The following ATP6V1A variants were observed in gnomAD, a reference collection of about 807,000 sequenced individuals.
ATP6V1A encodes V-type proton ATPase catalytic subunit A.
In ATP6V1A, 18 loss-of-function variants were observed where a neutral mutation model predicts 70.1. That is an observed-to-expected ratio of 0.26 (90% CI 0.18 to 0.38). ATP6V1A has a LOEUF of 0.38. Among genes scored for constraint, ATP6V1A ranks in the 10% least tolerant of loss-of-function variants. The pLI, the probability that ATP6V1A is intolerant of heterozygous loss-of-function variation, is 1.00. For missense variants in ATP6V1A, 424 were observed against 772.4 expected (o/e 0.55, Z 5.35); for synonymous variants, 232 against 253.8 (o/e 0.91, Z 0.82).
At chr3:113,788,672 T>A (rs1202167304) in intron 6 of ATP6V1A, 41 bp from the exon 7 acceptor site, 2 of 1,591,976 alleles carry the variant, frequency 1.3e-6, no homozygotes, top group Non-Finnish European at 1.7e-6. Flanking sequence ...TTAATATCTA[T>A]TAGCAAGTCA....
At chr3:113,782,544 A>ATATATATATACATGTGTATATATATACG (rs1708987924) in intron 3 of ATP6V1A, among the ~76,000 whole-genome samples, 1 of 124,694 alleles carries the variant, frequency 8.0e-6, no homozygotes, top group Non-Finnish European at 1.8e-5. Context: ...CTCTCTCTCT[A>ATATATATATACATGTGTATATATATACG]TATATATATA....
chr3:113,758,571 C>A (rs1708669620), intron 1 of ATP6V1A, among the ~76,000 whole-genome samples: 1 of 152,172 alleles, frequency 6.6e-6, no homozygotes, highest in South Asian at 2.1e-4. Flanking sequence ...GTTTGTTTAT[C>A]CATTCACCCA....
Position 113,805,419 on chromosome 3 carries a change from G to A in ATP6V1A, c.1655G>A (p.Arg552His), listed in dbSNP as rs768704096. 1.4e-4 allele frequency: 227 copies of A among 1,573,270 alleles called. No individual in the cohort carries two copies. The highest frequency in any genetic ancestry group is 1.8e-4 in the Non-Finnish European group (215 of 1,164,084). ...SNMIAFYDMA[R>H]RAVETTAQSD... ...ATGATTGCATTTTATGATATGGCTC[G>A]TAGAGCTGTTGAAACCACTGCCCAG... Residue 552 changes from arginine (R) to histidine (H), a missense_variant, in exon 14 of 15, where the codon CGT becomes CAT. Arg to His is a conservative substitution (Grantham distance 29). This residue lies in a region of ATP6V1A where 127 missense variants were observed against 207.9 expected (regional missense o/e 0.61). Transcript: ENST00000273398.
At chr3:113,775,496 CT>C (rs1409249804) in intron 1 of ATP6V1A, among the ~76,000 whole-genome samples, 5 of 152,142 alleles carry the variant, frequency 3.3e-5, no homozygotes, top group Admixed American at 6.5e-5. Context: ...CCCCCAAGTG[CT>C]GGAATTATGG....
rs532275476 is a variant in ATP6V1A at position 113,760,966 on chromosome 3, C to T, written c.-14+13853C>T. Among the ~76,000 whole-genome samples, 541 of 151,478 alleles carry T rather than the reference C, an allele frequency of 3.6e-3. 2 individuals carry two copies. The highest frequency in any genetic ancestry group is 0.013 in the African/African-American group (518 of 41,238). On this transcript the variant is annotated intron_variant, in intron 1 of 14. Coordinates refer to ENST00000273398, the MANE Select transcript of ATP6V1A (RefSeq NM_001690.4). The stretch of plus-strand genomic sequence containing the variant: ...CCTGCGGTCTCAGCTATTCGGGAGG[C>T]GGAGGCAGTAGAATTGCTTGAATCC...
At chr3:113,785,371 C>T (rs996344120) in intron 5 of ATP6V1A, among the ~76,000 whole-genome samples, 1 of 151,936 alleles carries the variant, frequency 6.6e-6, no homozygotes, top group Non-Finnish European at 1.5e-5. Context: ...ACCTAGGAGG[C>T]GGAGGTTGCA....
chr3:113,761,394 A>T (rs1708703480), intron 1 of ATP6V1A, among the ~76,000 whole-genome samples: 1 of 150,640 alleles, frequency 6.6e-6, no homozygotes. Context: ...TGGCAAAGCC[A>T]TCAAAATTTG....
At chr3:113,790,366 A>T (rs1308647861) in intron 8 of ATP6V1A, among the ~76,000 whole-genome samples, 2 of 151,798 alleles carry the variant, frequency 1.3e-5, no homozygotes, top group African/African-American at 4.8e-5. Context: ...AATGTAAGAC[A>T]TTTATAGAGC....
chr3:113,809,255 CAA>C (rs369206173), intron 14 of ATP6V1A, 78 bp from the exon 15 acceptor site: 3,076 of 986,832 alleles, frequency 3.1e-3, no homozygotes, highest in South Asian at 3.9e-3. Context: ...ACTCTGCCTC[CAA>C]AAAAAAAAAA....
chr3:113,764,590 A>G (rs894056417), intron 1 of ATP6V1A, among the ~76,000 whole-genome samples: 4 of 152,202 alleles, frequency 2.6e-5, no homozygotes, highest in African/African-American at 7.2e-5. Context: ...TTCTATTTAT[A>G]TTGTTGGCTG....
intron 6 of ATP6V1A, among the ~76,000 whole-genome samples, chr3:113,788,216 T>C (rs985712807): frequency 3.9e-5 from 6 of 152,168 alleles, no homozygotes; most frequent in African/African-American, 1.4e-4. Flanking sequence ...CCTAGCCTTA[T>C]TTTATCTTAT....
At chr3:113,760,462 C>T (rs1029459040) in intron 1 of ATP6V1A, among the ~76,000 whole-genome samples, 1 of 152,214 alleles carries the variant, frequency 6.6e-6, no homozygotes, top group Non-Finnish European at 1.5e-5. Flanking sequence ...GGCATGGTGG[C>T]TTACGCCTGT....
chr3:113,756,656 G>C (rs543133760), intron 1 of ATP6V1A, among the ~76,000 whole-genome samples: 1 of 152,160 alleles, frequency 6.6e-6, no homozygotes, highest in Admixed American at 6.5e-5. Flanking sequence ...ATAACAGTAA[G>C]TATTTTAGAT....
intron 1 of ATP6V1A, among the ~76,000 whole-genome samples, chr3:113,762,568 C>CAA (rs530159143): frequency 2.1e-5 from 3 of 140,618 alleles, no homozygotes; most frequent in South Asian, 4.5e-4. Flanking sequence ...AACTCCATCT[C>CAA]AAAAAAAAAA....
chr3:113,809,858 C>G lies in ATP6V1A; in HGVS notation c.*431C>G, dbSNP rs985796929. 1 of 152,720 alleles carries G rather than the reference C, an allele frequency of 6.5e-6. No homozygotes were observed. The highest frequency in any genetic ancestry group is 6.5e-5 in the Admixed American group (1 of 15,358). 9.5% of individuals were successfully genotyped at this position (152,720 alleles called of 1,614,324 possible). A position where few individuals can be genotyped will look rare whatever the true frequency, so the allele number is the denominator to read the frequency against. ...GGTACTTTGTGAAATGACTCAATTT[C>G]TATTGTGGTAAGCTCATTGGCAGCT... On this transcript the variant is annotated 3_prime_UTR_variant, in exon 15 of 15. Coordinates refer to ENST00000273398, the MANE Select transcript of ATP6V1A (RefSeq NM_001690.4).
intron 1 of ATP6V1A, among the ~76,000 whole-genome samples, chr3:113,761,990 T>C (rs1456383987): frequency 1.6e-5 from 2 of 121,996 alleles, no homozygotes; most frequent in African/African-American, 6.1e-5. Context: ...CCAACTCTAC[T>C]AAAAATACAT....
chr3:113,784,692 C>T lies in ATP6V1A; in HGVS notation c.427-4C>T. ...AATTAAACAGCAAATACATTTATCT[C>T]TAGGTTGGTAGTCATATCACTGGCG... On this transcript the variant is annotated splice_region_variant and splice_polypyrimidine_tract_variant and intron_variant, in intron 4 of 14. Coordinates refer to ENST00000273398, the MANE Select transcript of ATP6V1A (RefSeq NM_001690.4). The T allele has an allele frequency of 6.2e-7, 1 of 1,613,554 alleles. No homozygotes were observed. Among genetic ancestry groups the T allele is most frequent in the Non-Finnish European group, 8.5e-7 (1 of 1,179,696 alleles).
At chr3:113,755,986 T>C (rs533354330) in intron 1 of ATP6V1A, among the ~76,000 whole-genome samples, 1 of 152,252 alleles carries the variant, frequency 6.6e-6, no homozygotes, top group African/African-American at 2.4e-5. Context: ...CATCATCATA[T>C]GTAACATTTA....
chr3:113,791,373 G>T, intron 8 of ATP6V1A, among the ~76,000 whole-genome samples: 1 of 142,996 alleles, frequency 7.0e-6, no homozygotes, highest in Non-Finnish European at 1.5e-5. Flanking sequence ...ATTTTATTTT[G>T]TAGTAGGCTG....
Sources: gnomAD v4.1 joint callset for allele counts (sites outside exome capture counted in the v4.1 genomes callset) on GRCh38, gnomAD v4.1.1 for gene constraint, gnomAD v4.1.1 regional missense constraint, MANE v1.5 for transcripts, NCBI Gene and HGNC (gene_info 2026-07-23, HGNC 2026-07-21) for gene names.